Variants in MROH1 observed in about 807,000 individuals in gnomAD.
MROH1 encodes maestro heat-like repeat-containing protein family member 1.
MROH1 carries 117 observed loss-of-function variants against 116.5 expected under a neutral mutation model. The observed-to-expected ratio is 1.00, with a 90% CI of 0.86 to 1.17. The LOEUF is 1.17. Among genes scored for constraint, MROH1 ranks in the 50% most tolerant of loss-of-function variants. The probability of loss-of-function intolerance (pLI) is 0.00; values close to 1 mark genes in which losing one functional copy is unlikely to be tolerated. For synonymous variants in MROH1, 921 were observed against 583.9 expected, an observed-to-expected ratio of 1.58 and a Z score of -8.32; for missense variants, 1,873 against 1,338.5, an observed-to-expected ratio of 1.40 and a Z score of -6.23.
intron 4 of MROH1, chr8:144,175,349 C>T (rs1045158140): frequency 3.2e-5 from 13 of 401,228 alleles, no homozygotes; most frequent in Non-Finnish European, 4.3e-5. Context: ...AGCTGCCCCT[C>T]CCCCCCTCCC....
At chr8:144,195,927 T>C (rs1182044645) in intron 10 of MROH1, among the ~76,000 whole-genome samples, 1 of 152,194 alleles carries the variant, frequency 6.6e-6, no homozygotes, top group East Asian at 1.9e-4. Context: ...TGTTTAATTT[T>C]TACATTATCA....
In MROH1 at chr8:144,244,315, G is replaced by C; in HGVS notation, c.2649G>C (p.Glu883Asp). Reference protein sequence around the residue: ...SIMALLPEPKEEDGGCQKSLY... With the variant: ...SIMALLPEPKDEDGGCQKSLY... ...TGGCCCTGCTGCCTGAGCCCAAGGA[G>C]GAGGACGGAGGCTGCCAGAAGGTAT... The change falls in exon 27 of 44, where the codon GAG (glutamate) becomes GAC (aspartate). Residue 883 changes from glutamate to aspartate, a missense_variant. By Grantham distance (45) the Glu-to-Asp change is conservative. Transcript: ENST00000326134. The C allele has an allele frequency of 1.4e-6, 1 of 720,126 alleles. No homozygotes were observed. The highest frequency in any genetic ancestry group is 2.6e-6 in the Non-Finnish European group (1 of 385,902). 44.6% of individuals were successfully genotyped at this position (720,126 alleles called of 1,614,324 possible).
chr8:144,233,816 A>G (rs1364221506), intron 14 of MROH1, among the ~76,000 whole-genome samples: 1 of 152,224 alleles, frequency 6.6e-6, no homozygotes, highest in Non-Finnish European at 1.5e-5. Flanking sequence ...GCTTTGTAGC[A>G]AATTCTGAAA....
intron 4 of MROH1, among the ~76,000 whole-genome samples, chr8:144,175,333 C>T (rs979922549): frequency 2.7e-5 from 4 of 148,674 alleles, no homozygotes; most frequent in Non-Finnish European, 5.9e-5. Context: ...TGCCCTGCTA[C>T]ACCTGAGCTG....
chr8:144,168,297 C>A lies in MROH1; in HGVS notation c.25C>A (p.Leu9Met). The change falls in exon 4 of 44, where the codon CTG becomes ATG. Residue 9 changes from leucine to methionine, a missense_variant and splice_region_variant. Physicochemically the swap from Leu to Met is conservative, Grantham distance 15. Coordinates refer to ENST00000326134, the MANE Select transcript of MROH1 (RefSeq NM_032450.3). The stretch of plus-strand genomic sequence containing the variant: ...CTAACCAGGCTTTGTCGCTGCAGAG[C>A]TGGCCTCCACCCTGCTGGACGCCAT... MTESSMKK[L>M]ASTLLDAITD... The A allele has an allele frequency of 6.3e-7, 1 of 1,599,186 alleles. No homozygotes were observed. Among genetic ancestry groups the A allele is most frequent in the South Asian group, 1.1e-5 (1 of 89,754 alleles).
intron 2 of MROH1, among the ~76,000 whole-genome samples, chr8:144,162,078 T>TTG (rs1819664260): frequency 6.6e-6 from 1 of 150,492 alleles, no homozygotes; most frequent in African/African-American, 2.5e-5. Flanking sequence ...TTTTTGTTTT[T>TTG]CTTTTCTTTT....
chr8:144,223,736 A>T (rs1205616631), intron 14 of MROH1, among the ~76,000 whole-genome samples: 1 of 152,190 alleles, frequency 6.6e-6, no homozygotes, highest in Non-Finnish European at 1.5e-5. Flanking sequence ...GCCCTCTGTC[A>T]CCCTGAGCTG....
At chr8:144,236,678 G>C (rs1346731422) in intron 14 of MROH1, among the ~76,000 whole-genome samples, 1 of 151,824 alleles carries the variant, frequency 6.6e-6, no homozygotes, top group Admixed American at 6.6e-5. Flanking sequence ...GGGAGGCAGA[G>C]GTTGCAGTGA....
In MROH1 at chr8:144,151,046, G is replaced by A. The variant is rs1038097908; in HGVS notation, c.-177+2970G>A. Among the ~76,000 whole-genome samples, 80 of 151,972 alleles carry A rather than the reference G, an allele frequency of 5.3e-4. 1 individual carries two copies. The East Asian group carries it at 0.013, about 24-fold the overall frequency. ...GCGGATCACTTGAGGTCAGGAGTTC[G>A]AGACCAGCCTGGCCAACATGGTGAA... On this transcript the variant is annotated intron_variant, in intron 1 of 43. Transcript: ENST00000326134.
At chr8:144,256,674 T>C (rs1289799819) in intron 35 of MROH1, among the ~76,000 whole-genome samples, 1 of 152,198 alleles carries the variant, frequency 6.6e-6, no homozygotes, top group African/African-American at 2.4e-5. Flanking sequence ...GCCCCTTCAC[T>C]GGGACGATTG....
At chr8:144,162,914 A>T (rs962317335) in intron 2 of MROH1, among the ~76,000 whole-genome samples, 3 of 143,312 alleles carry the variant, frequency 2.1e-5, no homozygotes, top group Admixed American at 7.0e-5. Context: ...GTAGAGACAG[A>T]GTTTCATCAT....
In MROH1 at chr8:144,192,880, G is replaced by A. The variant is rs915505408; in HGVS notation, c.948+479G>A. 3.1e-4 allele frequency: 101 copies of A among 326,052 alleles called. 1 individual carries two copies. The highest frequency in any genetic ancestry group is 3.6e-5 in the Non-Finnish European group (6 of 167,420). 20.2% of individuals were successfully genotyped at this position (326,052 alleles called of 1,614,324 possible). A position where few individuals can be genotyped will look rare whatever the true frequency, so the allele number is the denominator to read the frequency against. ...CTCCCCAGGTCGGGTGAATGAGGCT[G>A]AGAACGACTGAGGGATGCAGGTGCC... is the stretch of plus-strand genomic sequence containing the variant. On this transcript the variant is annotated intron_variant, in intron 10 of 43. Transcript: ENST00000326134.
At position 144,182,331 on chromosome 8, in the gene MROH1, A is replaced by G. The variant is rs1825926422; in HGVS notation, c.562+1808A>G. On this transcript the variant is annotated intron_variant, in intron 7 of 43. Transcript: ENST00000326134. The surrounding 1 kb of genome is among the most constrained non-coding windows in gnomAD (Gnocchi z 4.1). The stretch of plus-strand genomic sequence containing the variant: ...CACGGCTGGCCTGGCCACGCCGTCC[A>G]GCAGGGCAGGCATCCAGTAATTCCT... 6.6e-6 allele frequency among the ~76,000 whole-genome samples: 1 copy of G among 152,204 alleles called. No homozygotes were observed. Among genetic ancestry groups the G allele is most frequent in the East Asian group, 1.9e-4 (1 of 5,198 alleles).
At chr8:144,175,454 C>T (rs1284583855) in intron 4 of MROH1, 6 of 975,582 alleles carry the variant, frequency 6.2e-6, no homozygotes, top group Non-Finnish European at 7.3e-6. Flanking sequence ...TAGAACCAGA[C>T]CAATTTACAC....
rs1235391299 is a variant in MROH1 at position 144,249,006 on chromosome 8, C to T, written c.3250C>T (p.Arg1084Trp). Residue 1084 changes from arginine to tryptophan, a missense_variant, in exon 32 of 44, where the codon CGG (arginine) becomes TGG (tryptophan). Arg to Trp is a moderately radical substitution (Grantham distance 101). Coordinates refer to ENST00000326134, the MANE Select transcript of MROH1 (RefSeq NM_032450.3). ...TVMINCLLQE[R>W]GGVLQEKVPE... The stretch of plus-strand genomic sequence containing the variant: ...CATGATCAACTGCCTGCTGCAGGAG[C>T]GGGGCGGTGTGCTCCAGGAGAAGGT... The T allele has an allele frequency of 1.1e-5, 7 of 665,914 alleles. No individual in the cohort carries two copies. The highest frequency in any genetic ancestry group is 3.3e-5 in the East Asian group (1 of 30,484). 41.3% of individuals were successfully genotyped at this position (665,914 alleles called of 1,614,324 possible). A position where few individuals can be genotyped will look rare whatever the true frequency, so the allele number is the denominator to read the frequency against.
Position 144,260,240 on chromosome 8 carries a change from G to T in MROH1, c.4246G>T (p.Gly1416Trp). 1 of 766,140 alleles carries T rather than the reference G, an allele frequency of 1.3e-6. No homozygotes were observed. 47.5% of individuals were successfully genotyped at this position (766,140 alleles called of 1,614,324 possible). ...AGCCATGATTGGCGGGCTGGACGAC[G>T]GGGACAACCCTCACAGCCCAGTGGC... ...LTAMIGGLDD[G>W]DNPHSPVALE... is the part of the protein sequence containing the mutation. Residue 1416 changes from glycine to tryptophan, a missense_variant, in exon 39 of 44, where the codon GGG (glycine) becomes TGG (tryptophan). Coordinates refer to ENST00000326134, the MANE Select transcript of MROH1 (RefSeq NM_032450.3).
In MROH1 at chr8:144,174,591, C is replaced by T. The variant is rs577426932; in HGVS notation, c.169-4864C>T. On this transcript the variant is annotated intron_variant, in intron 4 of 43. Coordinates refer to ENST00000326134, the MANE Select transcript of MROH1 (RefSeq NM_032450.3). ...CTTGATCTCCCGTACACAAGTGATCCTCCTGCTTCAGCCTCCGAAGTAGCT... is the reference window on the plus strand; with the variant it reads ...CTTGATCTCCCGTACACAAGTGATCTTCCTGCTTCAGCCTCCGAAGTAGCT... 5.1e-4 allele frequency among the ~76,000 whole-genome samples: 77 copies of T among 151,746 alleles called. 1 individual carries two copies. Among genetic ancestry groups the T allele is most frequent in the Admixed American group, 1.9e-3 (29 of 15,224 alleles).
chr8:144,217,728 C>T (rs531514449), intron 12 of MROH1, among the ~76,000 whole-genome samples: 9 of 152,224 alleles, frequency 5.9e-5, no homozygotes, highest in African/African-American at 1.9e-4. Context: ...CTCAGCCTCC[C>T]GAGGAGCTGG....
intron 7 of MROH1, among the ~76,000 whole-genome samples, chr8:144,189,974 A>G (rs1828153126): frequency 6.6e-6 from 1 of 152,166 alleles, no homozygotes; most frequent in African/African-American, 2.4e-5. Flanking sequence ...ATTTTCTCAC[A>G]GTTTTGGAGA....
Sources: gnomAD v4.1 joint callset for allele counts (sites outside exome capture counted in the v4.1 genomes callset) on GRCh38, gnomAD v4.1.1 for gene constraint, Gnocchi (gnomAD v3.1) non-coding constraint, MANE v1.5 for transcripts, NCBI Gene and HGNC (gene_info 2026-07-23, HGNC 2026-07-21) for gene names.